The following TAFA2 variants were observed in gnomAD, a reference collection of about 807,000 sequenced individuals.
The protein encoded by TAFA2 is chemokine-like protein TAFA-2.
Under a neutral mutation model 18.8 loss-of-function variants are expected in TAFA2, and 7 were observed. The ratio of observed to expected loss-of-function variants is 0.37; its 90% CI spans 0.21 to 0.70. The LOEUF (loss-of-function observed/expected upper bound fraction) is 0.70. Ranked by LOEUF, TAFA2 falls within the 30% of genes least tolerant of loss-of-function variation. The probability of loss-of-function intolerance (pLI) is 0.53; values close to 1 mark genes in which losing one functional copy is unlikely to be tolerated. For synonymous variants in TAFA2, 60 were observed against 54.2 expected (o/e 1.11, Z -0.47); for missense variants, 122 against 158.1 (o/e 0.77, Z 1.23).
chr12:61,790,688 T>C (rs1258322720), intron 2 of TAFA2, among the ~76,000 whole-genome samples: 8 of 151,746 alleles, frequency 5.3e-5, no homozygotes, highest in African/African-American at 1.7e-4. Flanking sequence ...CTGAAAACTA[T>C]AAAATGCAGA....
chr12:61,796,724 G>GT (rs775727893), intron 2 of TAFA2, among the ~76,000 whole-genome samples: 1 of 152,250 alleles, frequency 6.6e-6, no homozygotes, highest in South Asian at 2.1e-4. Context: ...GTGTTTAGCA[G>GT]TTTTAAGTCC....
At chr12:62,047,812 C>T (rs1881948886) in intron 1 of TAFA2, among the ~76,000 whole-genome samples, 1 of 152,028 alleles carries the variant, frequency 6.6e-6, no homozygotes. Flanking sequence ...TTCCAGATTC[C>T]AAATGCCAGA....
At chr12:62,248,930 AATC>A (rs1320217992) in intron 1 of TAFA2, among the ~76,000 whole-genome samples, 44 of 152,308 alleles carry the variant, frequency 2.9e-4, no homozygotes, top group Non-Finnish European at 5.0e-4. Context: ...AGCATCTAGC[AATC>A]ATCATTTGAG....
chr12:61,882,168 A>T (rs1372877002), intron 1 of TAFA2, among the ~76,000 whole-genome samples: 1 of 152,184 alleles, frequency 6.6e-6, no homozygotes, highest in East Asian at 1.9e-4. Context: ...CAGGCTAAAA[A>T]CAGAGTATTT....
intron 1 of TAFA2, among the ~76,000 whole-genome samples, chr12:61,955,494 C>T (rs1184271287): frequency 6.8e-6 from 1 of 146,788 alleles, no homozygotes; most frequent in African/African-American, 2.5e-5. Flanking sequence ...CCCAGCTACT[C>T]AGGAGGCTAA....
intron 1 of TAFA2, among the ~76,000 whole-genome samples, chr12:62,111,282 T>C (rs771064129): frequency 1.3e-5 from 2 of 152,228 alleles, no homozygotes; most frequent in Non-Finnish European, 2.9e-5. Flanking sequence ...TCAGTTTCCA[T>C]GTAGTTGTGC....
intron 1 of TAFA2, among the ~76,000 whole-genome samples, chr12:61,936,939 T>C (rs1877794068): frequency 6.6e-6 from 1 of 152,132 alleles, no homozygotes; most frequent in African/African-American, 2.4e-5. Context: ...TCCAAATGAC[T>C]ACTAGATTTA....
chr12:62,110,876 T>C (rs1022196700), intron 1 of TAFA2, among the ~76,000 whole-genome samples: 6 of 152,050 alleles, frequency 3.9e-5, no homozygotes, highest in African/African-American at 1.4e-4. Flanking sequence ...TTGATTCTTC[T>C]CTCTTTCCTT....
intron 1 of TAFA2, among the ~76,000 whole-genome samples, chr12:61,953,751 GGGCAT>G (rs1054733506): frequency 6.6e-6 from 1 of 152,096 alleles, no homozygotes; most frequent in Non-Finnish European, 1.5e-5. Flanking sequence ...CAAAACACCA[GGGCAT>G]GGTTGGAGAA....
chr12:62,233,988 C>T (rs1471646242), intron 1 of TAFA2, among the ~76,000 whole-genome samples: 1 of 152,166 alleles, frequency 6.6e-6, no homozygotes, highest in African/African-American at 2.4e-5. Flanking sequence ...CAGCTTATCT[C>T]CTTGGCAGCA....
At chr12:61,882,285 T>C (rs1306690045) in intron 1 of TAFA2, among the ~76,000 whole-genome samples, 1 of 152,154 alleles carries the variant, frequency 6.6e-6, no homozygotes, top group African/African-American at 2.4e-5. Context: ...GAAAAACAGA[T>C]GTCTTGAGCT....
chr12:62,066,511 T>C (rs185233050), intron 1 of TAFA2, among the ~76,000 whole-genome samples: 1 of 152,090 alleles, frequency 6.6e-6, no homozygotes, highest in East Asian at 1.9e-4. Flanking sequence ...TTCAATGAGT[T>C]CAATTATTTT....
chr12:61,841,119 A>G (rs1873155290), intron 2 of TAFA2, among the ~76,000 whole-genome samples: 1 of 152,118 alleles, frequency 6.6e-6, no homozygotes, highest in Admixed American at 6.6e-5. Flanking sequence ...TGCTTGTACC[A>G]GTAGGTGAAT....
At chr12:61,782,115 A>G (rs895541869) in intron 2 of TAFA2, among the ~76,000 whole-genome samples, 1 of 151,674 alleles carries the variant, frequency 6.6e-6, no homozygotes, top group Admixed American at 6.6e-5. Context: ...TATAAAATAT[A>G]AACGAAATTC....
At chr12:61,880,318 G>A in intron 1 of TAFA2, 1 of 483,774 alleles carries the variant, frequency 2.1e-6, no homozygotes, top group Non-Finnish European at 4.1e-6. Context: ...CTTCCCTGGA[G>A]GCCACCATCA....
chr12:62,223,076 T>C (rs2062770726), intron 1 of TAFA2, among the ~76,000 whole-genome samples: 1 of 152,224 alleles, frequency 6.6e-6, no homozygotes, highest in South Asian at 2.1e-4. Context: ...TATTAAAATA[T>C]AAAGTTTTCT....
intron 1 of TAFA2, among the ~76,000 whole-genome samples, chr12:61,991,967 C>G (rs183367087): frequency 5.3e-5 from 8 of 152,318 alleles, no homozygotes; most frequent in African/African-American, 1.7e-4. Context: ...TCTCCCGTAT[C>G]ACTTTCAGTC....
intron 1 of TAFA2, among the ~76,000 whole-genome samples, chr12:62,103,836 T>C (rs1176959202): frequency 6.6e-6 from 1 of 151,738 alleles, no homozygotes; most frequent in Non-Finnish European, 1.5e-5. Context: ...ATGATACAAA[T>C]GATAAATGAA....
intron 1 of TAFA2, among the ~76,000 whole-genome samples, chr12:61,994,781 C>T (rs1465130817): frequency 6.6e-6 from 1 of 152,108 alleles, no homozygotes; most frequent in Non-Finnish European, 1.5e-5. Context: ...TTTCTTCTTA[C>T]TTGCCTGGAG....
Sources: gnomAD v4.1 joint callset for allele counts (sites outside exome capture counted in the v4.1 genomes callset) on GRCh38, gnomAD v4.1.1 for gene constraint, MANE v1.5 for transcripts, NCBI Gene and HGNC (gene_info 2026-07-23, HGNC 2026-07-21) for gene names.